The following NFATC2 variants were observed in gnomAD, a reference collection of about 807,000 sequenced individuals.
NFATC2 encodes the protein nuclear factor of activated T-cells, cytoplasmic 2.
In NFATC2, 22 loss-of-function variants were observed where a neutral mutation model predicts 87.3. That is an observed-to-expected ratio of 0.25 (90% CI 0.18 to 0.36). NFATC2 has a LOEUF of 0.36. NFATC2 is among the 10% of genes least tolerant of loss of function. The pLI is 1.00. For synonymous variants in NFATC2, 565 were observed against 542.2 expected (o/e 1.04, Z -0.58); for missense variants, 1,149 against 1,259.1 (o/e 0.91, Z 1.32).
chr20:51,476,893 A>C (rs1988763392), intron 3 of NFATC2, among the ~76,000 whole-genome samples: 1 of 152,224 alleles, frequency 6.6e-6, no homozygotes, highest in Admixed American at 6.5e-5. Flanking sequence ...TGATAATATC[A>C]AGTATTTTGG....
In NFATC2 at chr20:51,435,308, G is replaced by A; in HGVS notation, c.1912C>T (p.Leu638Phe). The part of the protein sequence containing the change: ...VDKDKSQPNM[L>F]FVEIPEYRNK... ...CGATATTCAGGGATCTCAACAAAAAGCATGTTCTATAAGGAAGGAGTTGTC... is the reference window on the plus strand; with the variant it reads ...CGATATTCAGGGATCTCAACAAAAAACATGTTCTATAAGGAAGGAGTTGTC... Residue 638 changes from leucine (L) to phenylalanine (F), a missense_variant, in exon 8 of 11, where the codon CTT (leucine) becomes TTT (phenylalanine). Leu to Phe is a conservative substitution (Grantham distance 22, BLOSUM62 0). Transcript: ENST00000371564. 1.2e-6 allele frequency: 2 copies of A among 1,614,118 alleles called. No homozygotes were observed. The highest frequency in any genetic ancestry group is 8.5e-7 in the Non-Finnish European group (1 of 1,180,014).
chr20:51,436,638 C>T (rs147139249), intron 6 of NFATC2, among the ~76,000 whole-genome samples: 9 of 152,146 alleles, frequency 5.9e-5, no homozygotes, highest in African/African-American at 1.9e-4. Flanking sequence ...TTGCCTGAAC[C>T]CAGGAGGCGG....
upstream of NFATC2, among the ~76,000 whole-genome samples, chr20:51,546,788 G>A (rs1459316552): frequency 4.6e-5 from 7 of 152,236 alleles, no homozygotes; most frequent in Non-Finnish European, 7.3e-5. Context: ...ACCTGACGTA[G>A]ACAGGGAATT....
chr20:51,429,485 C>T (rs563816086), intron 9 of NFATC2, among the ~76,000 whole-genome samples: 3 of 152,340 alleles, frequency 2.0e-5, no homozygotes, highest in South Asian at 2.1e-4. Flanking sequence ...GGCAGTGCTG[C>T]GCTTCAGAGC....
chr20:51,529,238 C>T (rs761089233), intron 1 of NFATC2, among the ~76,000 whole-genome samples: 9 of 152,152 alleles, frequency 5.9e-5, no homozygotes, highest in African/African-American at 7.2e-5. Flanking sequence ...TCCACAGAAA[C>T]GCAGTCCTGA....
intron 1 of NFATC2, among the ~76,000 whole-genome samples, chr20:51,532,145 A>T (rs2076643375): frequency 6.6e-6 from 1 of 152,126 alleles, no homozygotes; most frequent in Non-Finnish European, 1.5e-5. Context: ...CGAGAACTGT[A>T]CGCATCTAGT....
At position 51,562,165 on chromosome 20, in the gene NFATC2, GTAA is replaced by G; in HGVS notation, c.70+392_70+394del. Among the ~76,000 whole-genome samples the G allele has an allele frequency of 6.6e-6, 1 of 152,320 alleles. No homozygotes were observed. The highest frequency in any genetic ancestry group is 1.5e-5 in the Non-Finnish European group (1 of 68,018). ...GCCTGTTCTCTTAAAAGAAAAAAAA[GTAA>G]TAATAATAATACTGCAGCGTTATGG... is the stretch of plus-strand genomic sequence containing the variant. On this transcript the variant is annotated intron_variant, in intron 1 of 10. Transcript: ENST00000414705. The surrounding 1 kb of genome is among the most constrained non-coding windows in gnomAD (Gnocchi z 5.8).
chr20:51,457,025 C>T (rs187899111), intron 5 of NFATC2, among the ~76,000 whole-genome samples: 100 of 152,356 alleles, frequency 6.6e-4, no homozygotes, highest in Admixed American at 5.9e-3. Context: ...GACCCGCCTG[C>T]CAGCGCTGCC....
rs1982783396 is a variant in NFATC2 at position 51,432,011 on chromosome 20, C to T, written c.2722+56G>A. 2 of 1,485,866 alleles carry T rather than the reference C, an allele frequency of 1.3e-6. No homozygotes were observed. The highest frequency in any genetic ancestry group is 1.8e-6 in the Non-Finnish European group (2 of 1,110,580). The allele number at this position is 1,485,866 out of a possible 1,614,324, so 92.0% of individuals were successfully genotyped here. ...TAGGCCATGCAGTGAACTTCCTGGG[C>T]AGAGATGCTTCAGGGCACCATCCTT... is the stretch of plus-strand genomic sequence containing the variant. On this transcript the variant is annotated intron_variant, in intron 9 of 10. Coordinates refer to ENST00000371564, the MANE Select transcript of NFATC2 (RefSeq NM_012340.5). The surrounding 1 kb of genome is among the most constrained non-coding windows in gnomAD (Gnocchi z 4.6).
chr20:51,523,772 C>T lies in NFATC2; in HGVS notation c.469G>A (p.Gly157Ser), dbSNP rs2076493615. 6 of 1,608,764 alleles carry T rather than the reference C, an allele frequency of 3.7e-6. No homozygotes were observed. Among genetic ancestry groups the T allele is most frequent in the East Asian group, 2.2e-5 (1 of 44,670 alleles). Residue 157 changes from glycine to serine, a missense_variant, in exon 2 of 11, where the codon GGC becomes AGC. Around this residue, in one of 3 missense-constraint regions of NFATC2, gnomAD observed 563 missense variants for 585.2 expected, o/e 0.96. Coordinates refer to ENST00000371564, the MANE Select transcript of NFATC2 (RefSeq NM_012340.5). The surrounding 1 kb of genome is among the most constrained non-coding windows in gnomAD (Gnocchi z 6.9). ...AGCGGCTCGCGGTAGCCCTCGAAGC[C>T]GGGCACGGGCAGGGTGAACCTCGGG... ...ASPRFTLPVP[G>S]FEGYREPLCL... is the part of the protein sequence containing the mutation.
chr20:51,520,880 A>C (rs1270370921), intron 2 of NFATC2, among the ~76,000 whole-genome samples: 1 of 151,904 alleles, frequency 6.6e-6, no homozygotes, highest in African/African-American at 2.4e-5. Context: ...GGCTGGTCTC[A>C]AACTCCGACC....
chr20:51,398,813 T>TATCATCCAAG, intron 9 of NFATC2, 83 bp from the exon 10 acceptor site: 1 of 947,946 alleles, frequency 1.1e-6, no homozygotes, highest in East Asian at 2.4e-5. Context: ...CTCATGCCGA[T>TATCATCCAAG]ATCATCCAAG....
At position 51,387,801 on chromosome 20, in the gene NFATC2, A is replaced by T. The variant is rs1470058492; in HGVS notation, c.*3695T>A. 6.6e-6 allele frequency: 1 copy of T among 152,058 alleles called. No individual in the cohort carries two copies. Among genetic ancestry groups the T allele is most frequent in the Non-Finnish European group, 1.5e-5 (1 of 68,010 alleles). The allele number at this position is 152,058 out of a possible 1,614,324, so 9.4% of individuals were successfully genotyped here. ...TCACAACTCCATCCATGCCTCTTGT[A>T]AACTTGAAATGAAAACATTCTTTCA... On this transcript the variant is annotated 3_prime_UTR_variant, in exon 11 of 11. Coordinates refer to ENST00000371564, the MANE Select transcript of NFATC2 (RefSeq NM_012340.5).
At chr20:51,440,988 CA>C (rs757180442) in intron 6 of NFATC2, among the ~76,000 whole-genome samples, 9 of 152,178 alleles carry the variant, frequency 5.9e-5, no homozygotes, top group Non-Finnish European at 1.3e-4. Context: ...GAATTCAAAA[CA>C]AATGCTGATG....
intron 9 of NFATC2, among the ~76,000 whole-genome samples, chr20:51,405,191 C>G (rs953708358): frequency 6.6e-6 from 1 of 152,160 alleles, no homozygotes; most frequent in African/African-American, 2.4e-5. Context: ...GACATGCCCC[C>G]CAAATTAGCT....
intron 1 of NFATC2, among the ~76,000 whole-genome samples, chr20:51,555,462 G>A (rs774089885): frequency 1.5e-4 from 23 of 152,004 alleles, no homozygotes; most frequent in Non-Finnish European, 2.8e-4. Flanking sequence ...GTGTGGTGGC[G>A]GGCGCCTGTA....
intron 9 of NFATC2, among the ~76,000 whole-genome samples, chr20:51,414,186 C>T (rs1979692286): frequency 2.2e-5 from 1 of 45,710 alleles, no homozygotes; most frequent in South Asian, 1.2e-3. Context: ...GCAAAGCCAG[C>T]CCAGGGGCAG....
intron 6 of NFATC2, among the ~76,000 whole-genome samples, chr20:51,439,349 G>A (rs1984010058): frequency 6.6e-6 from 1 of 152,230 alleles, no homozygotes; most frequent in Non-Finnish European, 1.5e-5. Context: ...AGAGGCAAGA[G>A]CACAGGCCAA....
intron 10 of NFATC2, among the ~76,000 whole-genome samples, chr20:51,392,045 TCTC>T: frequency 6.6e-6 from 1 of 152,240 alleles, no homozygotes; most frequent in East Asian, 1.9e-4. Context: ...GAAGTAACTT[TCTC>T]CTCTTCTGCA....
Sources: allele counts gnomAD v4.1 joint callset (sites outside exome capture counted in the v4.1 genomes callset), GRCh38; gene constraint gnomAD v4.1.1; regional missense constraint gnomAD v4.1.1; non-coding constraint Gnocchi (gnomAD v3.1); transcripts MANE v1.5; gene names NCBI Gene and HGNC (gene_info 2026-07-23, HGNC 2026-07-21).